Variants in GSE1 observed in about 807,000 individuals in gnomAD.
The protein encoded by GSE1 is Gse1 coiled-coil protein, also known as genetic suppressor element 1.
GSE1 carries 32 observed loss-of-function variants against 112.6 expected under a neutral mutation model. The ratio of observed to expected loss-of-function variants is 0.28; its 90% CI spans 0.21 to 0.38. The LOEUF (loss-of-function observed/expected upper bound fraction) is 0.38. Ranked by LOEUF, GSE1 falls within the 10% of genes least tolerant of loss-of-function variation. The pLI is 1.00. For synonymous variants in GSE1, 1,115 were observed against 735.6 expected, an observed-to-expected ratio of 1.52 and a Z score of -8.35; for missense variants, 2,348 against 1,699.2, an observed-to-expected ratio of 1.38 and a Z score of -6.71.
At chr16:85,592,120 G>A (rs1423637618) in intron 1 of GSE1, 1 of 152,108 alleles carries the variant, frequency 6.6e-6, no homozygotes, top group Non-Finnish European at 1.5e-5. Flanking sequence ...TTTCTGTGCA[G>A]ATTTTTTCTT....
At chr16:85,521,109 C>T (rs770103391) in intron 2 of GSE1, among the ~76,000 whole-genome samples, 9 of 152,170 alleles carry the variant, frequency 5.9e-5, no homozygotes, top group Admixed American at 1.3e-4. Flanking sequence ...CCCTGACCTC[C>T]GGGCTGCACC....
Position 85,311,490 on chromosome 16 carries a change from C to T in GSE1, c.2284-45973C>T, listed in dbSNP as rs575193681. On this transcript the variant is annotated intron_variant, in intron 1 of 2. Transcript: ENST00000637419. The surrounding 1 kb of genome is among the most constrained non-coding windows in gnomAD (Gnocchi z 4.2). ...GGCGGAGCCCTCGGCTGCCTCCCAC[C>T]GTGGGACATTGGGGAGGGAGGGAGG... 9.2e-5 allele frequency among the ~76,000 whole-genome samples: 13 copies of T among 140,944 alleles called. No individual in the cohort carries two copies. Among genetic ancestry groups the T allele is most frequent in the Non-Finnish European group, 1.9e-4 (12 of 63,972 alleles). The allele number at this position is 140,944 out of a possible 152,430, so 92.5% of individuals were successfully genotyped here. A position where few individuals can be genotyped will look rare whatever the true frequency, so the allele number is the denominator to read the frequency against.
intron 2 of GSE1, among the ~76,000 whole-genome samples, chr16:85,483,403 CTG>C (rs2050742370): frequency 6.6e-6 from 1 of 152,264 alleles, no homozygotes; most frequent in South Asian, 2.1e-4. Flanking sequence ...CTCACCCACT[CTG>C]TGCCTCAGTT....
chr16:85,637,693 G>A (rs1195549456), intron 2 of GSE1, among the ~76,000 whole-genome samples: 1 of 152,236 alleles, frequency 6.6e-6, no homozygotes, highest in East Asian at 1.9e-4. Context: ...CCAATCCCCA[G>A]CTTGTGCCTG....
At chr16:85,315,607 G>A (rs888859319) in intron 1 of GSE1, among the ~76,000 whole-genome samples, 1 of 152,174 alleles carries the variant, frequency 6.6e-6, no homozygotes, top group Non-Finnish European at 1.5e-5. Context: ...TGTCCTGGGG[G>A]AGCCGCCTGC....
chr16:85,299,675 C>T (rs1177742897), intron 1 of GSE1, among the ~76,000 whole-genome samples: 2 of 152,186 alleles, frequency 1.3e-5, no homozygotes, highest in Non-Finnish European at 2.9e-5. Flanking sequence ...CACCTATAAT[C>T]CCAGCACTTT....
chr16:85,335,928 A>G lies in GSE1; in HGVS notation c.2284-21535A>G, dbSNP rs74031792. Among the ~76,000 whole-genome samples the G allele has an allele frequency of 2.6e-3, 395 of 152,272 alleles. 3 individuals carry two copies. Among genetic ancestry groups the G allele is most frequent in the African/African-American group, 9.0e-3 (375 of 41,550 alleles). On this transcript the variant is annotated intron_variant, in intron 1 of 2. Coordinates refer to the GSE1 transcript ENST00000637419. ...CCATAAAGAAGGCTCCAGCATGCTG[A>G]CCGGCTGGCCTGAGTGGACTTCCAG...
chr16:85,493,836 G>T (rs945770333), intron 2 of GSE1, among the ~76,000 whole-genome samples: 2 of 148,806 alleles, frequency 1.3e-5, no homozygotes, highest in African/African-American at 4.9e-5. Context: ...CACATCTGTA[G>T]TCCCAGCTAC....
At chr16:85,575,258 C>CA (rs1354562573) in intron 1 of GSE1, among the ~76,000 whole-genome samples, 1 of 152,206 alleles carries the variant, frequency 6.6e-6, no homozygotes, top group Non-Finnish European at 1.5e-5. Context: ...GCGGTGCTCC[C>CA]AGCTTTGGCT....
chr16:85,660,033 C>T (rs1405245269), intron 8 of GSE1, among the ~76,000 whole-genome samples: 2 of 152,238 alleles, frequency 1.3e-5, no homozygotes, highest in African/African-American at 4.8e-5. Context: ...TGTCTTGTGG[C>T]TGCCTGCGGG....
chr16:85,361,646 C>G (rs2151580506), intron 2 of GSE1, among the ~76,000 whole-genome samples: 1 of 152,330 alleles, frequency 6.6e-6, no homozygotes, highest in African/African-American at 2.4e-5. Context: ...TTCTGACCCC[C>G]ACTTCCCTGG....
At chr16:85,655,193 C>T (rs1405044933) in intron 5 of GSE1, among the ~76,000 whole-genome samples, 1 of 152,200 alleles carries the variant, frequency 6.6e-6, no homozygotes, top group Non-Finnish European at 1.5e-5. Flanking sequence ...TAGACAGTCC[C>T]CCTTGGTGAC....
At chr16:85,413,068 C>G (rs550504915) in intron 2 of GSE1, among the ~76,000 whole-genome samples, 2 of 152,204 alleles carry the variant, frequency 1.3e-5, no homozygotes, top group African/African-American at 2.4e-5. Context: ...GGCCGCCCCA[C>G]GGAGCCCCTG....
chr16:85,551,362 C>A (rs554268792), upstream of GSE1, among the ~76,000 whole-genome samples: 1 of 152,310 alleles, frequency 6.6e-6, no homozygotes, highest in South Asian at 2.1e-4. Context: ...TGGCCCCTGT[C>A]ACCCCTAGCC....
At chr16:85,579,971 CTTAGTAG>C (rs2046383450) in intron 1 of GSE1, 1 of 152,250 alleles carries the variant, frequency 6.6e-6, no homozygotes, top group African/African-American at 2.4e-5. Flanking sequence ...CTGGAACTGA[CTTAGTAG>C]TTAGAGAGGC....
At chr16:85,528,552 G>A (rs1369040404) in intron 2 of GSE1, among the ~76,000 whole-genome samples, 6 of 151,572 alleles carry the variant, frequency 4.0e-5, no homozygotes, top group Admixed American at 3.3e-4. Context: ...TCAAAACTCT[G>A]GCTTTAAGCG....
chr16:85,474,509 C>A (rs572910271), intron 2 of GSE1, among the ~76,000 whole-genome samples: 46 of 152,226 alleles, frequency 3.0e-4, no homozygotes, highest in African/African-American at 1.1e-3. Flanking sequence ...CTCTGCGGCA[C>A]TTCCCACAAT....
At chr16:85,220,035 G>A (rs1324124688) in intron 1 of GSE1, among the ~76,000 whole-genome samples, 3 of 152,226 alleles carry the variant, frequency 2.0e-5, no homozygotes, top group East Asian at 3.9e-4. Context: ...AGCCACAGCT[G>A]CCCAGACTTG....
chr16:85,272,507 C>G (rs771541436), intron 1 of GSE1, among the ~76,000 whole-genome samples: 22 of 152,180 alleles, frequency 1.4e-4, no homozygotes, highest in Non-Finnish European at 2.8e-4. Flanking sequence ...AGGTGGCATT[C>G]TCCTAAACCT....
Sources: allele counts gnomAD v4.1 joint callset (sites outside exome capture counted in the v4.1 genomes callset), GRCh38; gene constraint gnomAD v4.1.1; non-coding constraint Gnocchi (gnomAD v3.1); transcripts MANE v1.5; gene names NCBI Gene and HGNC (gene_info 2026-07-23, HGNC 2026-07-21).